Variants in STARD13 observed in about 807,000 individuals in gnomAD.
STARD13 encodes StAR related lipid transfer domain containing 13.
Under a neutral mutation model 106.4 loss-of-function variants are expected in STARD13, and 62 were observed. The observed-to-expected ratio is 0.58, with a 90% CI of 0.48 to 0.72. The LOEUF is 0.72. Among genes scored for constraint, STARD13 ranks in the 30% least tolerant of loss-of-function variants. The pLI, the probability that STARD13 is intolerant of heterozygous loss-of-function variation, is 0.00. For synonymous variants in STARD13, 565 were observed against 553.0 expected, an observed-to-expected ratio of 1.02 and a Z score of -0.31; for missense variants, 1,387 against 1,424.0, an observed-to-expected ratio of 0.97 and a Z score of 0.42.
At chr13:33,205,047 C>G (rs1887317746) in intron 1 of STARD13, among the ~76,000 whole-genome samples, 1 of 152,244 alleles carries the variant, frequency 6.6e-6, no homozygotes, top group South Asian at 2.1e-4. Flanking sequence ...TTCTCAATCA[C>G]TGCTTTAGAT....
At chr13:33,502,020 G>A in the STARD13 span, among the ~76,000 whole-genome samples, 1 of 152,216 alleles carries the variant, frequency 6.6e-6, no homozygotes, top group East Asian at 1.9e-4. Context: ...CCATGAGCAT[G>A]GAATGTTCTC....
the STARD13 span, among the ~76,000 whole-genome samples, chr13:33,580,162 G>A: frequency 6.6e-6 from 1 of 152,074 alleles, no homozygotes; most frequent in African/African-American, 2.4e-5. Context: ...AAGCAACTAA[G>A]ATGTCCTTCA....
At chr13:33,431,452 A>G in the STARD13 span, among the ~76,000 whole-genome samples, 1 of 152,202 alleles carries the variant, frequency 6.6e-6, no homozygotes, top group Non-Finnish European at 1.5e-5. Context: ...TTTAAATTAC[A>G]TATTTGACTC....
At chr13:33,483,073 C>T in the STARD13 span, among the ~76,000 whole-genome samples, 3 of 152,176 alleles carry the variant, frequency 2.0e-5, no homozygotes, top group Non-Finnish European at 2.9e-5. Flanking sequence ...TAGAACTTCA[C>T]CTGGCAAGGA....
the STARD13 span, among the ~76,000 whole-genome samples, chr13:33,522,771 T>A: frequency 1.3e-5 from 2 of 152,182 alleles, no homozygotes; most frequent in Admixed American, 1.3e-4. Flanking sequence ...TTTTGCCCCC[T>A]TGGGCAAGTC....
the STARD13 span, among the ~76,000 whole-genome samples, chr13:33,395,219 A>AT: frequency 6.6e-6 from 1 of 152,138 alleles, no homozygotes; most frequent in African/African-American, 2.4e-5. Flanking sequence ...AGTAAGGATG[A>AT]TTTTTAAAAT....
At chr13:33,288,962 C>T (rs375368500), upstream of STARD13, among the ~76,000 whole-genome samples, 203 of 152,174 alleles carry the variant, frequency 1.3e-3, 2 homozygotes, top group African/African-American at 4.7e-3. Context: ...CATATAGTCC[C>T]CGTGTTAGAA....
the STARD13 span, among the ~76,000 whole-genome samples, chr13:33,660,811 T>G: frequency 6.6e-6 from 1 of 152,198 alleles, no homozygotes; most frequent in African/African-American, 2.4e-5. Flanking sequence ...CTTGAACTCC[T>G]AGCCTCGAAT....
chr13:33,608,910 C>A, the STARD13 span, among the ~76,000 whole-genome samples: 1 of 151,678 alleles, frequency 6.6e-6, no homozygotes, highest in Non-Finnish European at 1.5e-5. Context: ...CACGGTGAAA[C>A]CCTGTCTCTA....
chr13:33,121,250 G>A (rs1876247732), intron 7 of STARD13, among the ~76,000 whole-genome samples: 1 of 152,116 alleles, frequency 6.6e-6, no homozygotes, highest in Admixed American at 6.5e-5. Flanking sequence ...GGCAACGAGT[G>A]GTTTCCAATA....
chr13:33,125,037 A>G (rs1286777282), intron 7 of STARD13, among the ~76,000 whole-genome samples: 1 of 152,246 alleles, frequency 6.6e-6, no homozygotes, highest in Non-Finnish European at 1.5e-5. Context: ...AGTCAAAGAC[A>G]ACTTCAAATG....
At chr13:33,642,743 G>A in the STARD13 span, among the ~76,000 whole-genome samples, 1 of 151,606 alleles carries the variant, frequency 6.6e-6, no homozygotes, top group African/African-American at 2.4e-5. Context: ...CTCCTGCTCT[G>A]TCTATCGCCC....
the STARD13 span, among the ~76,000 whole-genome samples, chr13:33,669,050 C>A: frequency 2.6e-5 from 4 of 152,150 alleles, no homozygotes; most frequent in Non-Finnish European, 4.4e-5. Context: ...TGGCAAGTGG[C>A]AGGTCCTGGA....
chr13:33,509,188 C>A, the STARD13 span, among the ~76,000 whole-genome samples: 3 of 152,060 alleles, frequency 2.0e-5, no homozygotes, highest in Non-Finnish European at 4.4e-5. Context: ...CTTCTTTTGG[C>A]CTTCAGTAAG....
the STARD13 span, among the ~76,000 whole-genome samples, chr13:33,424,931 A>G: frequency 6.6e-6 from 1 of 152,230 alleles, no homozygotes; most frequent in South Asian, 2.1e-4. Flanking sequence ...TTGCTTCCAC[A>G]ATTAAAAGAT....
the STARD13 span, among the ~76,000 whole-genome samples, chr13:33,545,337 C>T: frequency 1.3e-5 from 2 of 152,126 alleles, no homozygotes; most frequent in East Asian, 1.9e-4. Context: ...CCTCGTGATC[C>T]GCCTGCCTCG....
At chr13:33,185,834 G>A (rs2138477187) in intron 1 of STARD13, 2 of 1,602,930 alleles carry the variant, frequency 1.2e-6, no homozygotes. Context: ...AGTTCACAAA[G>A]GTCTATCCTT....
intron 1 of STARD13, among the ~76,000 whole-genome samples, chr13:33,232,144 C>T (rs1888958070): frequency 6.6e-6 from 1 of 152,076 alleles, no homozygotes; most frequent in Non-Finnish European, 1.5e-5. Context: ...GAAACCCTGT[C>T]TATACTAAAA....
intron 1 of STARD13, among the ~76,000 whole-genome samples, chr13:33,343,262 A>T (rs930750272): frequency 1.3e-5 from 2 of 151,526 alleles, no homozygotes; most frequent in Non-Finnish European, 2.9e-5. Context: ...TAGTAAAATT[A>T]AAAAAAATTA....
Sources: allele counts gnomAD v4.1 joint callset (sites outside exome capture counted in the v4.1 genomes callset), GRCh38; gene constraint gnomAD v4.1.1; transcripts MANE v1.5; gene names NCBI Gene and HGNC (gene_info 2026-07-23, HGNC 2026-07-21).